SMPD4: variants seen among roughly 807,000 people sequenced by gnomAD.
SMPD4 encodes the protein neutral sphingomyelinase 3.
Under a neutral mutation model 97.8 loss-of-function variants are expected in SMPD4, and 58 were observed. That is an observed-to-expected ratio of 0.59 (90% CI 0.48 to 0.74). The LOEUF is 0.74. SMPD4 is among the 30% of genes least tolerant of loss of function. SMPD4 has a pLI of 0.00. For missense variants in SMPD4, 853 were observed against 1,080.5 expected, an observed-to-expected ratio of 0.79 and a Z score of 2.95; for synonymous variants, 388 against 450.0, an observed-to-expected ratio of 0.86 and a Z score of 1.74.
At chr2:130,164,968 G>A (rs143458359) in intron 9 of SMPD4, among the ~76,000 whole-genome samples, 1,904 of 151,844 alleles carry the variant, frequency 0.013, 59 homozygotes, top group African/African-American at 0.044. Flanking sequence ...TTAGCTGGGT[G>A]TGGTGAGGCA....
intron 1 of SMPD4, chr2:130,181,269 G>C: frequency 3.7e-6 from 5 of 1,367,622 alleles, no homozygotes; most frequent in Non-Finnish European, 4.7e-6. Flanking sequence ...TTCCTTCAAC[G>C]AAGGTTAACC....
At chr2:130,169,160 C>G (rs939135118) in intron 8 of SMPD4, among the ~76,000 whole-genome samples, 7 of 152,240 alleles carry the variant, frequency 4.6e-5, no homozygotes, top group African/African-American at 1.7e-4. Context: ...AAAGCCCATG[C>G]TGGGCCTAGT....
At chr2:130,176,162 G>C (rs1688958895) in intron 2 of SMPD4, among the ~76,000 whole-genome samples, 4 of 152,226 alleles carry the variant, frequency 2.6e-5, no homozygotes, top group African/African-American at 7.2e-5. Flanking sequence ...AACCTAGCAG[G>C]CCCCCGCACA....
intron 16 of SMPD4, 54 bp downstream of exon 16, chr2:130,154,223 G>A: frequency 2.6e-6 from 4 of 1,522,082 alleles, no homozygotes; most frequent in Non-Finnish European, 3.5e-6. Flanking sequence ...CCCGGGTTCT[G>A]CTCAGCCCCA....
chr2:130,181,243 G>A, intron 1 of SMPD4: 1 of 1,312,210 alleles, frequency 7.6e-7, no homozygotes, highest in Non-Finnish European at 9.7e-7. Context: ...TCAACACAAA[G>A]CTCTCCTTCC....
At chr2:130,173,476 G>C (rs369930424) in intron 4 of SMPD4, 38 bp downstream of exon 4, 1 of 1,586,730 alleles carries the variant, frequency 6.3e-7, no homozygotes, top group South Asian at 1.2e-5. Context: ...TCACCATGAG[G>C]AATCACCCAG....
At chr2:130,168,188 C>T (rs1173111878) in intron 8 of SMPD4, among the ~76,000 whole-genome samples, 1 of 152,176 alleles carries the variant, frequency 6.6e-6, no homozygotes, top group African/African-American at 2.4e-5. Flanking sequence ...CCTGGGGTGA[C>T]AGAGCAAGAC....
At chr2:130,179,594 C>T (rs1457931921) in intron 1 of SMPD4, among the ~76,000 whole-genome samples, 3 of 151,704 alleles carry the variant, frequency 2.0e-5, no homozygotes, top group Admixed American at 6.6e-5. Flanking sequence ...CCTATGCTGG[C>T]CAGGCTGGTC....
intron 5 of SMPD4, 100 bp from the exon 6 acceptor site, chr2:130,172,995 G>C (rs1688623311): frequency 6.8e-7 from 1 of 1,476,038 alleles, no homozygotes; most frequent in African/African-American, 1.4e-5. Flanking sequence ...AGGCTGCTGG[G>C]GAAGAGACCC....
chr2:130,163,923 T>TGGAGAAGGTGGGGGAGTAGGG (rs1488753452), intron 10 of SMPD4, among the ~76,000 whole-genome samples: 4 of 152,160 alleles, frequency 2.6e-5, no homozygotes, highest in Non-Finnish European at 5.9e-5. Context: ...GCTCATGCTC[T>TGGAGAAGGTGGGGGAGTAGGG]GGAGAAGGTG....
intron 10 of SMPD4, 138 bp from the exon 11 acceptor site, chr2:130,161,410 G>C: frequency 1.4e-6 from 1 of 697,158 alleles, no homozygotes; most frequent in Admixed American, 2.3e-5. Context: ...ACGAGCCCAG[G>C]AGTGAGGAGA....
At chr2:130,156,212 G>T in intron 13 of SMPD4, 77 bp from the exon 14 acceptor site, 1 of 1,302,946 alleles carries the variant, frequency 7.7e-7, no homozygotes, top group East Asian at 2.4e-5. Flanking sequence ...GATACCAGGC[G>T]GCAGCTGGGT....
intron 8 of SMPD4, among the ~76,000 whole-genome samples, chr2:130,170,458 C>CAGAAAAAAAAAAAAAA (rs1688340877): frequency 1.5e-5 from 1 of 64,682 alleles, no homozygotes; most frequent in African/African-American, 6.2e-5. Flanking sequence ...AAGACCCTGT[C>CAGAAAAAAAAAAAAAA]AAAAAAAAAA....
At chr2:130,161,383 G>A in intron 10 of SMPD4, 111 bp from the exon 11 acceptor site, 1 of 803,018 alleles carries the variant, frequency 1.2e-6, no homozygotes, top group Non-Finnish European at 2.2e-6. Flanking sequence ...AGCGGAGAGA[G>A]AAAGAAAGCA....
At position 130,157,268 on chromosome 2, in the gene SMPD4, G is replaced by A; in HGVS notation, c.1080C>T (p.Pro360=). ...SPSAHSHATS[P]LEEFKRAAVP... ...CCACCCACCGTTTGAACTCCTCCAGGGGGCTGGTGGCGTGGGAGTGGGCGG... is the reference window on the plus strand; with the variant it reads ...CCACCCACCGTTTGAACTCCTCCAGAGGGCTGGTGGCGTGGGAGTGGGCGG... The change falls in exon 12 of 20, where the codon CCC becomes CCT. Residue 360 remains proline (P), a synonymous_variant. Transcript: ENST00000680298. 1 of 1,550,426 alleles carries A rather than the reference G, an allele frequency of 6.4e-7. No individual in the cohort carries two copies. Among genetic ancestry groups the A allele is most frequent in the Non-Finnish European group, 8.7e-7 (1 of 1,146,386 alleles).
intron 8 of SMPD4, among the ~76,000 whole-genome samples, chr2:130,170,312 C>T (rs1688325475): frequency 1.3e-5 from 2 of 151,740 alleles, no homozygotes. Context: ...CATGGTGAAA[C>T]CCTGTCTCTA....
At position 130,152,439 on chromosome 2, in the gene SMPD4, C is replaced by G. The variant is rs1419116375; in HGVS notation, c.*116G>C. On this transcript the variant is annotated 3_prime_UTR_variant, in exon 20 of 20. Coordinates refer to ENST00000680298, the MANE Select transcript of SMPD4 (RefSeq NM_017951.5). ...CCTCTGCGGCTGCAGGAACCCCGCT[C>G]CAGAAGCCCGAGGATGACCGTGTTC... The G allele has an allele frequency of 2.4e-6, 3 of 1,229,246 alleles. No individual in the cohort carries two copies. Among genetic ancestry groups the G allele is most frequent in the Non-Finnish European group, 3.3e-6 (3 of 903,476 alleles). 76.1% of individuals were successfully genotyped at this position (1,229,246 alleles called of 1,614,324 possible).
At chr2:130,161,319 G>A (rs757378772) in intron 10 of SMPD4, 47 bp from the exon 11 acceptor site, 4 of 1,562,148 alleles carry the variant, frequency 2.6e-6, no homozygotes, top group African/African-American at 1.4e-5. Context: ...AAGAGCAGAG[G>A]ACAAGAGAAT....
At chr2:130,179,122 C>CT (rs772317420) in intron 1 of SMPD4, among the ~76,000 whole-genome samples, 6,831 of 133,808 alleles carry the variant, frequency 0.051, 220 homozygotes, top group Non-Finnish European at 0.066. Flanking sequence ...TTTTTCAATT[C>CT]TTTTTTTTTT....
Sources: gnomAD v4.1 joint callset for allele counts (sites outside exome capture counted in the v4.1 genomes callset) on GRCh38, gnomAD v4.1.1 for gene constraint, MANE v1.5 for transcripts, NCBI Gene and HGNC (gene_info 2026-07-23, HGNC 2026-07-21) for gene names.